The following PMEPA1 variants were observed in gnomAD, a reference collection of about 807,000 sequenced individuals.
The protein encoded by PMEPA1 is prostate transmembrane protein, androgen induced 1.
Under a neutral mutation model 23.0 loss-of-function variants are expected in PMEPA1, and 11 were observed. The ratio of observed to expected loss-of-function variants is 0.48; its 90% confidence interval spans 0.30 to 0.79. The LOEUF (loss-of-function observed/expected upper bound fraction) is 0.79, where lower values mean the gene tolerates loss of function less well. PMEPA1 is among the 30% of genes least tolerant of loss of function. The probability of loss-of-function intolerance (pLI) is 0.06; values close to 1 mark genes in which losing one functional copy is unlikely to be tolerated. For synonymous variants in PMEPA1, 204 were observed against 166.4 expected (o/e 1.23, Z -1.74); for missense variants, 377 against 390.9 (o/e 0.96, Z 0.30).
At chr20:57,657,537 C>T (rs539116277) in intron 2 of PMEPA1, among the ~76,000 whole-genome samples, 8 of 152,222 alleles carry the variant, frequency 5.3e-5, no homozygotes, top group African/African-American at 1.4e-4. Context: ...CAAATAAACA[C>T]GTCGGGGCTT....
At chr20:57,673,130 C>A (rs2071591857) in intron 1 of PMEPA1, among the ~76,000 whole-genome samples, 1 of 152,198 alleles carries the variant, frequency 6.6e-6, no homozygotes, top group South Asian at 2.1e-4. Context: ...GTGGTCCAAG[C>A]CTCTTGGCCG....
At position 57,704,590 on chromosome 20, in the gene PMEPA1, A is replaced by G. The variant is rs1224683593; in HGVS notation, c.109+4884T>C. On this transcript the variant is annotated intron_variant, in intron 1 of 3. Transcript: ENST00000341744. This position sits in a 1 kb window ranked among gnomAD's most constrained non-coding sequence, Gnocchi z 4.6. ...CTTCTCTTTGGGCAGGATCCCAGAC[A>G]CCGAGGTGCCTGCAAACTTGGTCTC... is the stretch of plus-strand genomic sequence containing the variant. Among the ~76,000 whole-genome samples, 1 of 152,196 alleles carries G rather than the reference A, an allele frequency of 6.6e-6. No homozygotes were observed. The highest frequency in any genetic ancestry group is 6.5e-5 in the Admixed American group (1 of 15,284).
At chr20:57,686,940 A>T in intron 1 of PMEPA1, among the ~76,000 whole-genome samples, 1 of 152,282 alleles carries the variant, frequency 6.6e-6, no homozygotes, top group Admixed American at 6.5e-5. Flanking sequence ...GCTGCTCCTT[A>T]CAGCAGCCTC....
At chr20:57,681,109 C>T (rs1261806533) in intron 1 of PMEPA1, among the ~76,000 whole-genome samples, 2 of 152,228 alleles carry the variant, frequency 1.3e-5, no homozygotes, top group Non-Finnish European at 2.9e-5. Flanking sequence ...CATTCATCAA[C>T]CCTGGGTGCT....
At chr20:57,708,950 G>C (rs1043014245) in intron 1 of PMEPA1, among the ~76,000 whole-genome samples, 2 of 151,872 alleles carry the variant, frequency 1.3e-5, no homozygotes, top group Admixed American at 1.3e-4. Flanking sequence ...CGAAGACCCA[G>C]ACAGAGCCAC....
At chr20:57,685,857 C>T (rs1057399176) in intron 1 of PMEPA1, among the ~76,000 whole-genome samples, 5 of 152,176 alleles carry the variant, frequency 3.3e-5, no homozygotes, top group Non-Finnish European at 5.9e-5. Context: ...TTGTTTCCAC[C>T]TGCTCCGGGT....
chr20:57,686,124 G>A (rs1225796140), intron 1 of PMEPA1, among the ~76,000 whole-genome samples: 3 of 152,140 alleles, frequency 2.0e-5, no homozygotes, highest in African/African-American at 2.4e-5. Context: ...AGCTCCCAGA[G>A]CCTCAACACA....
intron 1 of PMEPA1, chr20:57,699,914 C>G: frequency 2.5e-6 from 1 of 406,478 alleles, no homozygotes; most frequent in Non-Finnish European, 5.0e-6. Flanking sequence ...GCGGTTGGAA[C>G]GCACATGTTT....
At chr20:57,659,765 CT>C in intron 1 of PMEPA1, 68 bp from the exon 2 acceptor site, 1 of 1,454,912 alleles carries the variant, frequency 6.9e-7, no homozygotes, top group Non-Finnish European at 9.3e-7. Context: ...GGGCTCAGCC[CT>C]TTTGAGCTTT....
chr20:57,666,103 A>C (rs1164986482), intron 1 of PMEPA1, among the ~76,000 whole-genome samples: 2 of 152,106 alleles, frequency 1.3e-5, no homozygotes, highest in Admixed American at 1.3e-4. Context: ...GACCAAGCCC[A>C]TCTTCCAAAC....
Position 57,659,564 on chromosome 20 carries a change from C to T in PMEPA1, c.243G>A (p.Arg81=), listed in dbSNP as rs1040202447. The change falls in exon 2 of 4, where the codon AGG becomes AGA. Residue 81 remains arginine (R), a synonymous_variant. Transcript: ENST00000341744. The part of the protein sequence containing the change: ...SFISRHSQGR[R]REDALSSEGC... The stretch of plus-strand genomic sequence containing the variant: ...TTACTGAGGACAGGGCATCTTCTCT[C>T]CTCCGCCCCTGGCTGTGCCGGCTGA... The T allele has an allele frequency of 6.2e-7, 1 of 1,613,872 alleles. No individual in the cohort carries two copies. Among genetic ancestry groups the T allele is most frequent in the African/African-American group, 1.3e-5 (1 of 74,936 alleles).
At chr20:57,661,475 G>T (rs953725761) in intron 1 of PMEPA1, among the ~76,000 whole-genome samples, 1 of 152,188 alleles carries the variant, frequency 6.6e-6, no homozygotes, top group East Asian at 1.9e-4. Flanking sequence ...TGGCATGGGG[G>T]CAAGGAGGAC....
In PMEPA1 at chr20:57,655,412, G is replaced by A. The variant is rs2071313172; in HGVS notation, c.265-2326C>T. 6.6e-6 allele frequency among the ~76,000 whole-genome samples: 1 copy of A among 152,230 alleles called. No homozygotes were observed. The highest frequency in any genetic ancestry group is 6.5e-5 in the Admixed American group (1 of 15,284). On this transcript the variant is annotated intron_variant, in intron 2 of 3. Transcript: ENST00000341744. The surrounding 1 kb of genome is among the most constrained non-coding windows in gnomAD (Gnocchi z 4.2). ...ATTCAGGGGTCTCACTCGCCCTGCA[G>A]GAGCTGCTACCGTTTCCCCAGTGCC...
intron 1 of PMEPA1, among the ~76,000 whole-genome samples, chr20:57,676,775 G>A (rs141836035): frequency 9.4e-4 from 143 of 152,310 alleles, no homozygotes; most frequent in African/African-American, 3.1e-3. Context: ...CAGAGACCCT[G>A]TGGCCAAAGG....
At chr20:57,654,243 C>T (rs1386722177) in intron 2 of PMEPA1, among the ~76,000 whole-genome samples, 1 of 152,160 alleles carries the variant, frequency 6.6e-6, no homozygotes, top group African/African-American at 2.4e-5. Context: ...TGAAATATAA[C>T]TGATATGCAA....
intron 1 of PMEPA1, among the ~76,000 whole-genome samples, chr20:57,703,790 C>T (rs928220412): frequency 1.2e-4 from 19 of 152,182 alleles, no homozygotes; most frequent in Non-Finnish European, 2.6e-4. Flanking sequence ...GCTAGGGAAC[C>T]AGGCAGAATG....
At chr20:57,677,781 A>C (rs2071658343) in intron 1 of PMEPA1, among the ~76,000 whole-genome samples, 1 of 152,200 alleles carries the variant, frequency 6.6e-6, no homozygotes, top group South Asian at 2.1e-4. Flanking sequence ...CAAACAAAAA[A>C]AACTGGAAGC....
chr20:57,662,538 C>T (rs1222361403), intron 1 of PMEPA1, among the ~76,000 whole-genome samples: 1 of 152,210 alleles, frequency 6.6e-6, no homozygotes, highest in Non-Finnish European at 1.5e-5. Context: ...CAGGAGAGAT[C>T]AGGCTTCAGA....
intron 2 of PMEPA1, 144 bp from the exon 3 acceptor site, chr20:57,653,230 C>CA: frequency 1.4e-6 from 1 of 711,806 alleles, no homozygotes; most frequent in Non-Finnish European, 2.5e-6. Flanking sequence ...CCAGCTTCCC[C>CA]AGCCCCTGGC....
Sources: allele counts gnomAD v4.1 joint callset (sites outside exome capture counted in the v4.1 genomes callset), GRCh38; gene constraint gnomAD v4.1.1; non-coding constraint Gnocchi (gnomAD v3.1); transcripts MANE v1.5; gene names NCBI Gene and HGNC (gene_info 2026-07-23, HGNC 2026-07-21).